The following ARHGAP4 variants were observed in gnomAD, a reference collection of about 807,000 sequenced individuals.
ARHGAP4 encodes rho GTPase-activating protein 4.
ARHGAP4 carries 25 observed loss-of-function variants against 67.6 expected under a neutral mutation model. The observed-to-expected ratio is 0.37, with a 90% CI of 0.27 to 0.52. The LOEUF (loss-of-function observed/expected upper bound fraction) is 0.52, where lower values mean the gene tolerates loss of function less well. Among genes scored for constraint, ARHGAP4 ranks in the 20% least tolerant of loss-of-function variants. The pLI, the probability that ARHGAP4 is intolerant of heterozygous loss-of-function variation, is 0.92. For synonymous variants in ARHGAP4, 448 were observed against 373.7 expected (o/e 1.20, Z -2.29); for missense variants, 804 against 854.6 (o/e 0.94, Z 0.74).
Position 153,921,682 on chromosome X carries a change from C to T in ARHGAP4, c.195G>A (p.Arg65=). Residue 65 remains arginine, a synonymous_variant, in exon 2 of 22, where the codon CGG becomes CGA. Coordinates refer to ENST00000350060, the MANE Select transcript of ARHGAP4 (RefSeq NM_001666.5). ...AGCGCTCGGCCAGCTTTTCCAGGCC[C>T]CGGGAGTATTCCAGCTCCACCTCAG... ...RRAEVELEYS[R]GLEKLAERFS... The T allele has an allele frequency of 8.3e-7, 1 of 1,209,215 alleles. No homozygotes were observed. Among genetic ancestry groups the T allele is most frequent in the Non-Finnish European group, 1.1e-6 (1 of 894,614 alleles).
Position 153,908,774 on chromosome X carries a change from T to C in ARHGAP4, c.2607+296A>G, listed in dbSNP as rs945936942. Reference sequence around the variant, plus strand: ...CAGGTAAACAGCCTTAACTCAGCCCTGCCACTCCCTGCTCTGAAGCTGAAC... The same window carrying C: ...CAGGTAAACAGCCTTAACTCAGCCCCGCCACTCCCTGCTCTGAAGCTGAAC... On this transcript the variant is annotated intron_variant, in intron 21 of 21. Transcript: ENST00000350060. 2.7e-5 allele frequency among the ~76,000 whole-genome samples: 3 copies of C among 112,158 alleles called. No individual in the cohort carries two copies. In the East Asian group the frequency reaches 8.4e-4, roughly 31 times the overall value.
At chrX:153,924,386 C>T (rs781991167) in intron 1 of ARHGAP4, among the ~76,000 whole-genome samples, 1 of 112,045 alleles carries the variant, frequency 8.9e-6, no homozygotes, top group South Asian at 3.7e-4. Flanking sequence ...GGTGGCTTTC[C>T]TGGCAGAGCT....
Position 153,921,345 on chromosome X carries a change from G to A in ARHGAP4, c.435+20C>T, listed in dbSNP as rs1557105262. 1.7e-6 allele frequency: 2 copies of A among 1,209,308 alleles called. No homozygotes were observed. The highest frequency in any genetic ancestry group is 2.2e-5 in the Admixed American group (1 of 45,898). ...CCCAAAGCCTCGAACACTTCCCGTG[G>A]CCCAGGATGAGAGCCTCACCTTCTT... On this transcript the variant is annotated intron_variant, in intron 3 of 21. Transcript: ENST00000350060.
chrX:153,908,200 C>A (rs1036784462), intron 21 of ARHGAP4, among the ~76,000 whole-genome samples: 2 of 111,705 alleles, frequency 1.8e-5, no homozygotes, highest in Admixed American at 9.4e-5. Flanking sequence ...AAGTGGGGAC[C>A]CCCCTCTTCT....
chrX:153,910,732 G>C lies in ARHGAP4; in HGVS notation c.1784C>G (p.Pro595Arg), dbSNP rs368873746. The C allele has an allele frequency of 8.6e-5, 103 of 1,192,485 alleles. 1 individual carries two copies. In the South Asian group the frequency reaches 1.2e-3, roughly 14 times the overall value. ...FRSLEPPLFP[P>R]DLFGELLASS... ...AGCCAGCAGCTCGCCGAACAGGTCTGGGGGGAAGAGTGGGGGCTCCAGGCT... is the reference window on the plus strand; with the variant it reads ...AGCCAGCAGCTCGCCGAACAGGTCTCGGGGGAAGAGTGGGGGCTCCAGGCT... The change falls in exon 15 of 22, where the codon CCA becomes CGA. Residue 595 changes from proline to arginine, a missense_variant. Physicochemically the swap from Pro to Arg is moderately radical, Grantham distance 103 (BLOSUM62 -2). Around this residue, in one of 2 missense-constraint regions of ARHGAP4, gnomAD observed 400 missense variants for 348.7 expected, o/e 1.15. Transcript: ENST00000350060.
At chrX:153,911,040 C>A (rs1349002258) in intron 13 of ARHGAP4, 41 bp from the exon 14 acceptor site, 1 of 1,164,119 alleles carries the variant, frequency 8.6e-7, no homozygotes, top group Non-Finnish European at 1.1e-6. Context: ...GAGCATCTTC[C>A]CCAGCCCCTC....
rs201310068 is a variant in ARHGAP4 at position 153,921,814 on chromosome X, G to A, written c.68-5C>T. 6,082 of 1,180,941 alleles carry A rather than the reference G, an allele frequency of 5.2e-3. 17 individuals carry two copies. Among genetic ancestry groups the A allele is most frequent in the Middle Eastern group, 9.3e-3 (31 of 3,345 alleles). On this transcript the variant is annotated splice_polypyrimidine_tract_variant and splice_region_variant and intron_variant, in intron 1 of 21. Coordinates refer to ENST00000350060, the MANE Select transcript of ARHGAP4 (RefSeq NM_001666.5). ...CGCTCAGCTGCCAGCGCATCTCTGTGGGGGGAACCATGGCTCAGGCCTGGT... is the reference window on the plus strand; with the variant it reads ...CGCTCAGCTGCCAGCGCATCTCTGTAGGGGGAACCATGGCTCAGGCCTGGT...
At chrX:153,924,688 G>C (rs1433055518) in intron 1 of ARHGAP4, among the ~76,000 whole-genome samples, 1 of 111,515 alleles carries the variant, frequency 9.0e-6, no homozygotes, top group African/African-American at 3.3e-5. Flanking sequence ...CTCTGGTACA[G>C]CAGTATACTC....
At position 153,926,235 on chromosome X, in the gene ARHGAP4, T is replaced by C. The variant is rs2065127676; in HGVS notation, c.-33A>G. On this transcript the variant is annotated 5_prime_UTR_variant, in exon 1 of 22. Coordinates refer to ENST00000350060, the MANE Select transcript of ARHGAP4 (RefSeq NM_001666.5). ...TCGCGGCCGCGCCGTCGAACCCCAC[T>C]GCTCCCACGCGGCCGTGAGCGGGCC... 1.8e-6 allele frequency: 2 copies of C among 1,125,924 alleles called. No homozygotes were observed. The highest frequency in any genetic ancestry group is 2.0e-5 in the South Asian group (1 of 49,247). 92.8% of individuals were successfully genotyped at this position (1,125,924 alleles called of 1,213,427 possible). A position where few individuals can be genotyped will look rare whatever the true frequency, so the allele number is the denominator to read the frequency against.
Position 153,911,036 on chromosome X carries a change from C to T in ARHGAP4, c.1604-37G>A, listed in dbSNP as rs1557103158. 7 of 1,164,643 alleles carry T rather than the reference C, an allele frequency of 6.0e-6. No individual in the cohort carries two copies. In the East Asian group the frequency reaches 2.3e-4, roughly 38 times the overall value. Reference sequence around the variant, plus strand: ...CAAGGAGCTGGTGGGCACTGAGCATCTTCCCCAGCCCCTCCAGGATGGCCT... The same window carrying T: ...CAAGGAGCTGGTGGGCACTGAGCATTTTCCCCAGCCCCTCCAGGATGGCCT... On this transcript the variant is annotated intron_variant, in intron 13 of 21. Transcript: ENST00000350060.
Position 153,921,208 on chromosome X carries a change from C to A in ARHGAP4, c.436-49G>T, listed in dbSNP as rs782607747. 2.3e-5 allele frequency: 27 copies of A among 1,180,856 alleles called. No homozygotes were observed. In the South Asian group the frequency reaches 5.0e-4, roughly 22 times the overall value. ...CACGGCACTGCCCAGAGCGGCCCCGCCAGGCACTGGAAGCTCTGCCCAGAT... is the reference window on the plus strand; with the variant it reads ...CACGGCACTGCCCAGAGCGGCCCCGACAGGCACTGGAAGCTCTGCCCAGAT... On this transcript the variant is annotated intron_variant, in intron 3 of 21. Transcript: ENST00000350060.
rs1557101661 is a variant in ARHGAP4 at position 153,907,966 on chromosome X, G to T, written c.2608-4C>A. On this transcript the variant is annotated splice_polypyrimidine_tract_variant and splice_region_variant and intron_variant, in intron 21 of 21. Coordinates refer to ENST00000350060, the MANE Select transcript of ARHGAP4 (RefSeq NM_001666.5). ...AGTCCATGTTCTGTGCCACAGCCTAGCGGAGGGGAAAGAAAGGGAGAGTGA... is the reference window on the plus strand; with the variant it reads ...AGTCCATGTTCTGTGCCACAGCCTATCGGAGGGGAAAGAAAGGGAGAGTGA... The T allele has an allele frequency of 8.8e-7, 1 of 1,136,463 alleles. No individual in the cohort carries two copies. The highest frequency in any genetic ancestry group is 1.2e-6 in the Non-Finnish European group (1 of 859,213). 93.7% of individuals were successfully genotyped at this position (1,136,463 alleles called of 1,213,427 possible).
At chrX:153,919,936 G>A (rs1254490572) in intron 5 of ARHGAP4, among the ~76,000 whole-genome samples, 24 of 110,875 alleles carry the variant, frequency 2.2e-4, no homozygotes, top group African/African-American at 3.0e-4. Context: ...ACAGGCACCC[G>A]CCATCATGCC....
At chrX:153,912,885 C>T (rs1427278026) in intron 11 of ARHGAP4, 83 bp from the exon 12 acceptor site, 1 of 1,119,406 alleles carries the variant, frequency 8.9e-7, no homozygotes, top group East Asian at 3.0e-5. Context: ...AAGCCGGCCT[C>T]TAATTCTCTG....
At chrX:153,908,685 G>A (rs942558686) in intron 21 of ARHGAP4, among the ~76,000 whole-genome samples, 1 of 97,937 alleles carries the variant, frequency 1.0e-5, no homozygotes, top group Non-Finnish European at 2.0e-5. Flanking sequence ...CCATGGCACC[G>A]CCTGTTACCT....
intron 7 of ARHGAP4, among the ~76,000 whole-genome samples, chrX:153,915,880 T>C (rs1377752784): frequency 1.8e-5 from 2 of 112,206 alleles, no homozygotes; most frequent in African/African-American, 6.5e-5. Flanking sequence ...AACAATTTGC[T>C]CTCTGGAAAG....
intron 5 of ARHGAP4, 176 bp from the exon 6 acceptor site, chrX:153,919,459 T>G: frequency 9.0e-7 from 1 of 1,108,205 alleles, no homozygotes; most frequent in Non-Finnish European, 1.2e-6. Flanking sequence ...CTCAGCCCAG[T>G]GCCAGGAGGT....
intron 1 of ARHGAP4, among the ~76,000 whole-genome samples, chrX:153,922,911 G>A (rs2065105101): frequency 9.1e-6 from 1 of 109,652 alleles, no homozygotes; most frequent in South Asian, 4.1e-4. Flanking sequence ...TGGGTGCGGA[G>A]AAGATGAACC....
chrX:153,911,385 A>G (rs538737236), intron 12 of ARHGAP4, among the ~76,000 whole-genome samples, 196 bp from the exon 13 acceptor site: 223 of 108,249 alleles, frequency 2.1e-3, no homozygotes, highest in Middle Eastern at 9.4e-3. Flanking sequence ...AAGCTCCCCA[A>G]TGGTGGGATT....
Sources: allele counts gnomAD v4.1 joint callset (sites outside exome capture counted in the v4.1 genomes callset), GRCh38; gene constraint gnomAD v4.1.1; regional missense constraint gnomAD v4.1.1; transcripts MANE v1.5; gene names NCBI Gene and HGNC (gene_info 2026-07-23, HGNC 2026-07-21).